Variants in CFAP210 observed in about 807,000 individuals in gnomAD.
CFAP210 encodes cilia and flagella associated protein 210.
the CFAP210 span, chr2:169,694,112 G>A: frequency 3.9e-6 from 3 of 761,728 alleles, no homozygotes; most frequent in Non-Finnish European, 6.9e-6. Flanking sequence ...ACTTCACACA[G>A]AGCCCAAAGA....
the CFAP210 span, among the ~76,000 whole-genome samples, chr2:169,673,773 G>T: frequency 9.3e-3 from 1,420 of 152,160 alleles, 30 homozygotes; most frequent in African/African-American, 0.033. Flanking sequence ...GGGAAATTTT[G>T]GGAGTGATGG....
the CFAP210 span, among the ~76,000 whole-genome samples, chr2:169,693,844 A>G: frequency 6.6e-6 from 1 of 152,202 alleles, no homozygotes; most frequent in African/African-American, 2.4e-5. Flanking sequence ...AGAAGAGCCA[A>G]GCCTCTAAAG....
chr2:169,688,108 A>G, the CFAP210 span, among the ~76,000 whole-genome samples: 1 of 152,206 alleles, frequency 6.6e-6, no homozygotes, highest in East Asian at 1.9e-4. Flanking sequence ...CACACAGCAC[A>G]GGGACCCTGG....
At chr2:169,694,277 C>T in the CFAP210 span, 1 of 1,613,938 alleles carries the variant, frequency 6.2e-7, no homozygotes, top group African/African-American at 1.3e-5. Context: ...TTTCCTTCGC[C>T]CGTCCACAGC....
chr2:169,662,527 T>G, the CFAP210 span: 2 of 1,133,280 alleles, frequency 1.8e-6, no homozygotes, highest in Non-Finnish European at 2.4e-6. Context: ...TGGAATGAGT[T>G]GAAGCTGCAA....
chr2:169,655,528 G>T, the CFAP210 span, among the ~76,000 whole-genome samples: 1 of 152,136 alleles, frequency 6.6e-6, no homozygotes, highest in Non-Finnish European at 1.5e-5. Context: ...AAGTGTTTTG[G>T]ATAATTCCTT....
the CFAP210 span, among the ~76,000 whole-genome samples, chr2:169,663,464 G>A: frequency 6.6e-6 from 1 of 152,110 alleles, no homozygotes; most frequent in Non-Finnish European, 1.5e-5. Context: ...GCCTCCCAAA[G>A]TGTTGGGATT....
At chr2:169,654,409 A>G in the CFAP210 span, among the ~76,000 whole-genome samples, 2 of 152,236 alleles carry the variant, frequency 1.3e-5, no homozygotes, top group African/African-American at 4.8e-5. Context: ...AAAGTTATTT[A>G]TAATAGCAAA....
At chr2:169,682,341 G>T in the CFAP210 span, among the ~76,000 whole-genome samples, 1 of 152,152 alleles carries the variant, frequency 6.6e-6, no homozygotes, top group Admixed American at 6.5e-5. Context: ...TGAGGTTCCA[G>T]TGAGGGCCCA....
the CFAP210 span, among the ~76,000 whole-genome samples, chr2:169,660,422 T>G: frequency 3.8e-5 from 2 of 52,342 alleles, no homozygotes; most frequent in African/African-American, 1.5e-4. Context: ...CATTTCACTG[T>G]TTTTTTTTGT....
At chr2:169,664,248 C>T in the CFAP210 span, among the ~76,000 whole-genome samples, 236 of 152,170 alleles carry the variant, frequency 1.6e-3, 1 homozygote, top group African/African-American at 5.6e-3. Context: ...TCATCCAATT[C>T]TAAGACCAGA....
the CFAP210 span, among the ~76,000 whole-genome samples, chr2:169,666,808 A>C: frequency 6.6e-6 from 1 of 152,106 alleles, no homozygotes; most frequent in Non-Finnish European, 1.5e-5. Context: ...AGTTTATATA[A>C]TATTCTAAAT....
chr2:169,654,791 T>C, the CFAP210 span, among the ~76,000 whole-genome samples: 1 of 151,998 alleles, frequency 6.6e-6, no homozygotes, highest in African/African-American at 2.4e-5. Flanking sequence ...AATATATATA[T>C]ATAATATAAA....
At chr2:169,663,141 G>A in the CFAP210 span, among the ~76,000 whole-genome samples, 1 of 152,158 alleles carries the variant, frequency 6.6e-6, no homozygotes, top group Admixed American at 6.5e-5. Flanking sequence ...CCTTCATCCA[G>A]CAGCCAAACC....
chr2:169,646,285 T>C, the CFAP210 span: 1 of 816,822 alleles, frequency 1.2e-6, no homozygotes. Context: ...TCTAAACTCA[T>C]TGATACTTTA....
At chr2:169,686,452 A>G in the CFAP210 span, among the ~76,000 whole-genome samples, 1 of 152,182 alleles carries the variant, frequency 6.6e-6, no homozygotes. Context: ...AAACTAGATA[A>G]TTTATAAAGA....
At chr2:169,671,838 A>T in the CFAP210 span, among the ~76,000 whole-genome samples, 3 of 152,244 alleles carry the variant, frequency 2.0e-5, no homozygotes, top group Non-Finnish European at 4.4e-5. Flanking sequence ...AGTGCCTGGC[A>T]AAAGGAGGTT....
the CFAP210 span, among the ~76,000 whole-genome samples, chr2:169,688,113 C>T: frequency 6.6e-6 from 1 of 152,186 alleles, no homozygotes. Flanking sequence ...AGCACAGGGA[C>T]CCTGGTCCTG....
chr2:169,656,124 A>G, the CFAP210 span, among the ~76,000 whole-genome samples: 3 of 152,126 alleles, frequency 2.0e-5, no homozygotes, highest in Non-Finnish European at 2.9e-5. Context: ...CCATCTCTAC[A>G]AAAAAGACCA....
Sources: allele counts gnomAD v4.1 joint callset (sites outside exome capture counted in the v4.1 genomes callset), GRCh38; gene constraint gnomAD v4.1.1; transcripts MANE v1.5; gene names NCBI Gene and HGNC (gene_info 2026-07-23, HGNC 2026-07-21).